DLX4: variants seen among roughly 807,000 people sequenced by gnomAD.
DLX4 encodes the protein homeobox protein DLX-4.
In DLX4, 13 loss-of-function variants were observed where a neutral mutation model predicts 17.1. The ratio of observed to expected loss-of-function variants is 0.76; its 90% CI spans 0.49 to 1.21. DLX4 has a LOEUF of 1.21. DLX4 is among the 50% of genes most tolerant of loss of function. The pLI is 0.00. For missense variants in DLX4, 297 were observed against 301.4 expected, an observed-to-expected ratio of 0.99 and a Z score of 0.11; for synonymous variants, 129 against 140.3, an observed-to-expected ratio of 0.92 and a Z score of 0.57.
rs145781048 is a variant in DLX4, at chr17:49,969,542, C to G, written c.74C>G (p.Pro25Arg). ...GTCTTCCCAGACCTCGCCCCTGTCCCGTCGGTAGCGGCTGCCTACCCGCTT... is the reference window on the plus strand; with the variant it reads ...GTCTTCCCAGACCTCGCCCCTGTCCGGTCGGTAGCGGCTGCCTACCCGCTT... ...KAVFPDLAPV[P>R]SVAAAYPLGL... The change falls in exon 1 of 3, where the codon CCG becomes CGG. Residue 25 changes from proline (P) to arginine (R), a missense_variant. Transcript: ENST00000240306. 260 of 1,613,264 alleles carry G rather than the reference C, an allele frequency of 1.6e-4. No homozygotes were observed. The African/African-American group carries it at 3.3e-3, about 20-fold the overall frequency.
At position 49,970,413 on chromosome 17, in the gene DLX4, C is replaced by T. The variant is rs535561608; in HGVS notation, c.283+662C>T. 2.6e-5 allele frequency among the ~76,000 whole-genome samples: 4 copies of T among 152,302 alleles called. No homozygotes were observed. The South Asian group carries it at 8.3e-4, about 32-fold the overall frequency. Reference sequence around the variant, plus strand: ...CTGGTAGGAAAGTCGCTCATCTCTCCCTGACTACCTCAGCCTTCCAGCCAA... The same window carrying T: ...CTGGTAGGAAAGTCGCTCATCTCTCTCTGACTACCTCAGCCTTCCAGCCAA... On this transcript the variant is annotated intron_variant, in intron 1 of 2. Coordinates refer to ENST00000240306, the MANE Select transcript of DLX4 (RefSeq NM_138281.3).
upstream of DLX4, chr17:49,969,088 C>T (rs149503419): frequency 3.8e-4 from 79 of 209,812 alleles, no homozygotes; most frequent in Middle Eastern, 3.3e-3. Context: ...TTTACCACTT[C>T]TCTACAGCGG....
At chr17:49,970,253 T>C (rs1280365496) in intron 1 of DLX4, among the ~76,000 whole-genome samples, 1 of 152,338 alleles carries the variant, frequency 6.6e-6, no homozygotes, top group Middle Eastern at 3.4e-3. Context: ...TCGAGGCTTA[T>C]TCTGGGCTCT....
Position 49,969,639 on chromosome 17 carries a change from C to T in DLX4, c.171C>T (p.Tyr57=). 6.2e-7 allele frequency: 1 copy of T among 1,612,342 alleles called. No individual in the cohort carries two copies. The highest frequency in any genetic ancestry group is 8.5e-7 in the Non-Finnish European group (1 of 1,179,982). Residue 57 remains tyrosine, a synonymous_variant, in exon 1 of 3, where the codon TAC becomes TAT. Coordinates refer to ENST00000240306, the MANE Select transcript of DLX4 (RefSeq NM_138281.3). ...GGCCGTATGGCCACCTCCTGTCTTACCCCTACACCGAGCCAGCGAACCCCG... is the reference window on the plus strand; with the variant it reads ...GGCCGTATGGCCACCTCCTGTCTTATCCCTACACCGAGCCAGCGAACCCCG... ...YSRPYGHLLS[Y]PYTEPANPGD...
rs750072557 is a variant in DLX4, at chr17:49,973,781, C to T, written c.561C>T (p.Phe187=). 1.1e-5 allele frequency: 17 copies of T among 1,588,892 alleles called. No homozygotes were observed. The East Asian group carries it at 3.4e-4, about 32-fold the overall frequency. The change falls in exon 3 of 3, where the codon TTC becomes TTT. Residue 187 remains phenylalanine, a synonymous_variant. Coordinates refer to ENST00000240306, the MANE Select transcript of DLX4 (RefSeq NM_138281.3). The stretch of plus-strand genomic sequence containing the variant: ...ATTCTGGGGGGCAGGAAGGGGACTT[C>T]CCTGGGAGGACCTTCTCTGTGTCTC... ...KQNSGGQEGD[F]PGRTFSVSPC...
chr17:49,969,564 G>T lies in DLX4; in HGVS notation c.96G>T (p.Pro32=), dbSNP rs754725298. ...TCCCGTCGGTAGCGGCTGCCTACCC[G>T]CTTGGCTTGTCCCCTACAACCGCAG... ...APVPSVAAAY[P]LGLSPTTAAS... is the part of the protein sequence containing the mutation. The change falls in exon 1 of 3, where the codon CCG becomes CCT. Residue 32 remains proline (P), a synonymous_variant. Coordinates refer to ENST00000240306, the MANE Select transcript of DLX4 (RefSeq NM_138281.3). 3 of 1,613,372 alleles carry T rather than the reference G, an allele frequency of 1.9e-6. No homozygotes were observed. The highest frequency in any genetic ancestry group is 1.6e-4 in the Middle Eastern group (1 of 6,062).
At position 49,973,981 on chromosome 17, in the gene DLX4, C is replaced by T; in HGVS notation, c.*38C>T. The T allele has an allele frequency of 6.4e-7, 1 of 1,570,774 alleles. No individual in the cohort carries two copies. Among genetic ancestry groups the T allele is most frequent in the Non-Finnish European group, 8.6e-7 (1 of 1,157,532 alleles). ...GCGGGTCAGGCCCACAGCCTTCCTG[C>T]AAAGCCCAGGACCCAGGCAGTCCAC... On this transcript the variant is annotated 3_prime_UTR_variant, in exon 3 of 3. Transcript: ENST00000240306.
chr17:49,972,695 T>C lies in DLX4; in HGVS notation c.284-378T>C. 7.6e-7 allele frequency: 1 copy of C among 1,316,704 alleles called. No individual in the cohort carries two copies. The highest frequency in any genetic ancestry group is 1.5e-5 in the African/African-American group (1 of 66,808). 81.6% of individuals were successfully genotyped at this position (1,316,704 alleles called of 1,614,324 possible). Reference sequence around the variant, plus strand: ...TCATCTCTAGGCCTCGGCTCAGCCCTGGACCTAGCCTTTCTGCCCCGCCCT... The same window carrying C: ...TCATCTCTAGGCCTCGGCTCAGCCCCGGACCTAGCCTTTCTGCCCCGCCCT... On this transcript the variant is annotated intron_variant, in intron 1 of 2. Coordinates refer to ENST00000240306, the MANE Select transcript of DLX4 (RefSeq NM_138281.3). The surrounding 1 kb of genome is among the most constrained non-coding windows in gnomAD (Gnocchi z 5.4).
rs990057695 is a variant in DLX4 at position 49,974,385 on chromosome 17, T to C, written c.*442T>C. 2 of 153,644 alleles carry C rather than the reference T, an allele frequency of 1.3e-5. No individual in the cohort carries two copies. Among genetic ancestry groups the C allele is most frequent in the African/African-American group, 4.8e-5 (2 of 41,470 alleles). 9.5% of individuals were successfully genotyped at this position (153,644 alleles called of 1,614,324 possible). A position where few individuals can be genotyped will look rare whatever the true frequency, so the allele number is the denominator to read the frequency against. ...AACATTGAGTATTTTTTTTTCTTTG[T>C]ATGCCTTTGGCCTTGCACAACCCAT... On this transcript the variant is annotated 3_prime_UTR_variant, in exon 3 of 3. Coordinates refer to ENST00000240306, the MANE Select transcript of DLX4 (RefSeq NM_138281.3).
intron 2 of DLX4, 61 bp from the exon 3 acceptor site, chr17:49,973,640 C>G (rs949430015): frequency 2.0e-6 from 3 of 1,491,912 alleles, no homozygotes; most frequent in Non-Finnish European, 2.7e-6. Flanking sequence ...TTCCCTTCCT[C>G]GAAACTTTTC....
Position 49,969,350 on chromosome 17 carries a change from G to A in DLX4, c.-119G>A. The A allele has an allele frequency of 8.4e-7, 1 of 1,189,406 alleles. No homozygotes were observed. Among genetic ancestry groups the A allele is most frequent in the Non-Finnish European group, 1.2e-6 (1 of 867,788 alleles). The allele number at this position is 1,189,406 out of a possible 1,614,324, so 73.7% of individuals were successfully genotyped here. ...AGACACTTTCTCCGGGATCTTAAGTGTGGGGGCTGCTGGCTGGGGGGCCCG... is the reference window on the plus strand; with the variant it reads ...AGACACTTTCTCCGGGATCTTAAGTATGGGGGCTGCTGGCTGGGGGGCCCG... On this transcript the variant is annotated 5_prime_UTR_variant, in exon 1 of 3. The change creates a new upstream start codon in the 5' untranslated region. Coordinates refer to ENST00000240306, the MANE Select transcript of DLX4 (RefSeq NM_138281.3).
Position 49,973,707 on chromosome 17 carries a change from A to G in DLX4, c.487A>G (p.Ile163Val). Residue 163 changes from isoleucine to valine, a missense_variant, in exon 3 of 3, where the codon ATC becomes GTC. By Grantham distance (29) the Ile-to-Val change is conservative. Coordinates refer to ENST00000240306, the MANE Select transcript of DLX4 (RefSeq NM_138281.3). ...QLGLTQTQVK[I>V]WFQNKRSKYK... The stretch of plus-strand genomic sequence containing the variant: ...TCCCCTTTTCTTCCCGAAGGTAAAG[A>G]TCTGGTTTCAGAACAAACGCTCCAA... 6.7e-7 allele frequency: 1 copy of G among 1,497,748 alleles called. No homozygotes were observed. Among genetic ancestry groups the G allele is most frequent in the Non-Finnish European group, 8.9e-7 (1 of 1,122,942 alleles). The allele number at this position is 1,497,748 out of a possible 1,614,324, so 92.8% of individuals were successfully genotyped here.
chr17:49,970,013 A>G (rs1384332302), intron 1 of DLX4, among the ~76,000 whole-genome samples: 1 of 151,614 alleles, frequency 6.6e-6, no homozygotes, highest in Non-Finnish European at 1.5e-5. Context: ...GGCCCCCCCA[A>G]CCCCCCACCT....
At position 49,972,979 on chromosome 17, in the gene DLX4, G is replaced by GT; in HGVS notation, c.284-94_284-93insT. ...CGCTTTTTGCTATTTGCTGCCGACG[G>GT]CATGCAGACGAGATGCAAATAAGCT... On this transcript the variant is annotated intron_variant, in intron 1 of 2. Coordinates refer to ENST00000240306, the MANE Select transcript of DLX4 (RefSeq NM_138281.3). This position sits in a 1 kb window ranked among gnomAD's most constrained non-coding sequence, Gnocchi z 5.4. 6.5e-7 allele frequency: 1 copy of GT among 1,534,140 alleles called. No individual in the cohort carries two copies. The highest frequency in any genetic ancestry group is 8.8e-7 in the Non-Finnish European group (1 of 1,137,018).
Position 49,972,612 on chromosome 17 carries a change from C to A in DLX4, c.284-461C>A. 1 of 650,746 alleles carries A rather than the reference C, an allele frequency of 1.5e-6. No individual in the cohort carries two copies. Among genetic ancestry groups the A allele is most frequent in the Non-Finnish European group, 2.0e-6 (1 of 510,920 alleles). The allele number at this position is 650,746 out of a possible 1,614,324, so 40.3% of individuals were successfully genotyped here. On this transcript the variant is annotated intron_variant, in intron 1 of 2. Transcript: ENST00000240306. The surrounding 1 kb of genome is among the most constrained non-coding windows in gnomAD (Gnocchi z 5.4). ...CCGCAGCCGGAGGCTGCCACGCGGA[C>A]ACCGTCTCAAGCCTCTGAGCATTGC...
In DLX4 at chr17:49,969,295, C is replaced by A. The variant is rs1291540522; in HGVS notation, c.-174C>A. Reference sequence around the variant, plus strand: ...ACCCCCCCGGAACCCCTTTCCCAGGCGCGCGTTCTCCGCTGAAAGAGGCTC... The same window carrying A: ...ACCCCCCCGGAACCCCTTTCCCAGGAGCGCGTTCTCCGCTGAAAGAGGCTC... On this transcript the variant is annotated 5_prime_UTR_variant, in exon 1 of 3. Coordinates refer to ENST00000240306, the MANE Select transcript of DLX4 (RefSeq NM_138281.3). 5 of 698,738 alleles carry A rather than the reference C, an allele frequency of 7.2e-6. No homozygotes were observed. Among genetic ancestry groups the A allele is most frequent in the Non-Finnish European group, 1.1e-5 (5 of 466,774 alleles). 43.3% of individuals were successfully genotyped at this position (698,738 alleles called of 1,614,324 possible).
In DLX4 at chr17:49,973,137, G is replaced by T. The variant is rs1598148166; in HGVS notation, c.348G>T (p.Lys116Asn). The T allele has an allele frequency of 1.2e-6, 2 of 1,613,674 alleles. No homozygotes were observed. The highest frequency in any genetic ancestry group is 1.7e-6 in the Non-Finnish European group (2 of 1,179,940). Residue 116 changes from lysine (K) to asparagine (N), a missense_variant, in exon 2 of 3, where the codon AAG becomes AAT. Transcript: ENST00000240306. ...SERRPQAPAK[K>N]LRKPRTIYSS... ...GGCGCCCTCAGGCCCCCGCCAAAAA[G>T]CTCCGCAAGCCGAGGACCATCTACT...
chr17:49,973,401 C>G, intron 2 of DLX4, 132 bp downstream of exon 2: 1 of 1,344,212 alleles, frequency 7.4e-7, no homozygotes. Context: ...AGGGAATGTT[C>G]ATAGCTGGCT....
chr17:49,972,921 G>A lies in DLX4; in HGVS notation c.284-152G>A. ...TGAAACGCTCCACGCGGAAGGTAGA[G>A]GGCAGGGGCCAAGGGGGCGATCCTG... On this transcript the variant is annotated intron_variant, in intron 1 of 2. Transcript: ENST00000240306. This position sits in a 1 kb window ranked among gnomAD's most constrained non-coding sequence, Gnocchi z 5.4. The A allele has an allele frequency of 4.1e-6, 6 of 1,469,778 alleles. No individual in the cohort carries two copies. Among genetic ancestry groups the A allele is most frequent in the Non-Finnish European group, 4.5e-6 (5 of 1,107,556 alleles). 91.0% of individuals were successfully genotyped at this position (1,469,778 alleles called of 1,614,324 possible). A position where few individuals can be genotyped will look rare whatever the true frequency, so the allele number is the denominator to read the frequency against.
Sources: gnomAD v4.1 joint callset for allele counts (sites outside exome capture counted in the v4.1 genomes callset) on GRCh38, gnomAD v4.1.1 for gene constraint, Gnocchi (gnomAD v3.1) non-coding constraint, MANE v1.5 for transcripts, NCBI Gene and HGNC (gene_info 2026-07-23, HGNC 2026-07-21) for gene names.